Variants in NINL observed in about 807,000 individuals in gnomAD.
NINL encodes the protein ninein-like protein.
A neutral mutation model predicts 160.3 loss-of-function variants in NINL; 153 were observed. The ratio of observed to expected loss-of-function variants is 0.95; its 90% CI spans 0.84 to 1.09. The LOEUF is 1.09. Among genes scored for constraint, NINL ranks in the 50% least tolerant of loss-of-function variants. The pLI is 0.00. For synonymous variants in NINL, 800 were observed against 734.8 expected, an observed-to-expected ratio of 1.09 and a Z score of -1.43; for missense variants, 1,829 against 1,764.0, an observed-to-expected ratio of 1.04 and a Z score of -0.66.
chr20:25,504,990 C>T lies in NINL; in HGVS notation c.606G>A (p.Arg202=), dbSNP rs1325727227. 6.2e-7 allele frequency: 1 copy of T among 1,613,914 alleles called. No individual in the cohort carries two copies. The highest frequency in any genetic ancestry group is 1.1e-5 in the South Asian group (1 of 91,046). ...PSFDTPESQI[R]GVWEELGVGS... is the part of the protein sequence containing the mutation. ...CCACCCCCAGCTCTTCCCACACGCC[C>T]CGGATCTGGCTCTCTGGGGTGTCAA... The change falls in exon 6 of 24, where the codon CGG becomes CGA. Residue 202 remains arginine, a synonymous_variant. Transcript: ENST00000278886.
chr20:25,515,103 T>G (rs1239423703), intron 3 of NINL, among the ~76,000 whole-genome samples: 1 of 152,274 alleles, frequency 6.6e-6, no homozygotes, highest in South Asian at 2.1e-4. Context: ...GATCCACTGA[T>G]AGCTTGCACT....
chr20:25,498,150 C>T (rs780200840), intron 9 of NINL, 60 bp downstream of exon 9: 85 of 1,596,440 alleles, frequency 5.3e-5, no homozygotes, highest in Non-Finnish European at 6.0e-5. Flanking sequence ...CCCAGACCCC[C>T]CTCCAGGCCC....
At chr20:25,536,717 C>CA (rs1219716078) in intron 1 of NINL, among the ~76,000 whole-genome samples, 2,209 of 132,570 alleles carry the variant, frequency 0.017, 17 homozygotes, top group African/African-American at 0.027. Flanking sequence ...AGACTGTCTC[C>CA]AAAAAAAAAA....
chr20:25,512,926 C>T lies in NINL; in HGVS notation c.358G>A (p.Ala120Thr), dbSNP rs764400630. 15 of 1,614,038 alleles carry T rather than the reference C, an allele frequency of 9.3e-6. No homozygotes were observed. Among genetic ancestry groups the T allele is most frequent in the African/African-American group, 4.0e-5 (3 of 74,938 alleles). ...GGCACGCGTCTGGCTTCTGTGGCAG[C>T]GTCACATAGCTCAGGCCGGCTCCGA... is the stretch of plus-strand genomic sequence containing the variant. ...GRRSRPELCD[A>T]ATEARRVPEQ... The change falls in exon 4 of 24, where the codon GCT becomes ACT. Residue 120 changes from alanine to threonine, a missense_variant. Transcript: ENST00000278886.
chr20:25,575,505 C>T (rs1350313392), intron 1 of NINL, among the ~76,000 whole-genome samples: 4 of 149,064 alleles, frequency 2.7e-5, no homozygotes, highest in Non-Finnish European at 1.5e-5. Flanking sequence ...GTAATCCCAG[C>T]ACTTTGGGAG....
intron 2 of NINL, among the ~76,000 whole-genome samples, chr20:25,521,788 CAT>C (rs1194212658): frequency 4.6e-5 from 7 of 152,292 alleles, no homozygotes; most frequent in Admixed American, 2.6e-4. Flanking sequence ...CGGGTTTTGA[CAT>C]ATGTTTCTGG....
intron 1 of NINL, among the ~76,000 whole-genome samples, chr20:25,546,771 C>T (rs373015047): frequency 4.6e-5 from 7 of 152,020 alleles, no homozygotes; most frequent in Admixed American, 1.3e-4. Flanking sequence ...CAAACCCCAC[C>T]GAGAGAGAGG....
At position 25,476,908 on chromosome 20, in the gene NINL, G is replaced by A. The variant is rs1288575551; in HGVS notation, c.2383C>T (p.Arg795Cys). 3.1e-6 allele frequency: 5 copies of A among 1,612,726 alleles called. No individual in the cohort carries two copies. The Admixed American group carries it at 5.0e-5, about 16-fold the overall frequency. Residue 795 changes from arginine (R) to cysteine (C), a missense_variant, in exon 17 of 24, where the codon CGC (arginine) becomes TGC (cysteine). Physicochemically the swap from Arg to Cys is radical, Grantham distance 180 (BLOSUM62 -3). Coordinates refer to ENST00000278886, the MANE Select transcript of NINL (RefSeq NM_025176.6). ...GCCAACGATACGCACATCTGGGCGC[G>A]CTTCTCGCTCGCACAGGGCTGCAGC... ...LKLQPCASEK[R>C]AQMCVSLALE...
chr20:25,469,993 CTG>C lies in NINL; in HGVS notation c.3349_3350del (p.Gln1117GlufsTer5). The C allele has an allele frequency of 6.2e-7, 1 of 1,613,518 alleles. No individual in the cohort carries two copies. The highest frequency in any genetic ancestry group is 8.5e-7 in the Non-Finnish European group (1 of 1,179,398). The part of the protein sequence containing the change: ...LEAAESTHDA[Q>X]RKEIEVLKKD... ...CTGGGTAGGGGCGTGGCCCTTACCT[CTG>C]TGCATCGTGAGTACTTTCTGCAGCT... is the stretch of plus-strand genomic sequence containing the variant. On this transcript the variant is annotated frameshift_variant, in exon 18 of 24. Coordinates refer to ENST00000278886, the MANE Select transcript of NINL (RefSeq NM_025176.6). LOFTEE classifies it high-confidence loss of function.
intron 1 of NINL, among the ~76,000 whole-genome samples, chr20:25,570,673 C>A (rs1600362324): frequency 1.4e-5 from 2 of 140,900 alleles, no homozygotes; most frequent in East Asian, 2.0e-4. Context: ...TCCAAAATGT[C>A]AGAGATCCTG....
At chr20:25,584,908 A>G (rs2065211302) in intron 1 of NINL, among the ~76,000 whole-genome samples, 4 of 152,250 alleles carry the variant, frequency 2.6e-5, no homozygotes, top group Admixed American at 1.3e-4. Flanking sequence ...AGTACAACAG[A>G]TAAAATTCGC....
chr20:25,512,414 A>T (rs1324336181), intron 4 of NINL, among the ~76,000 whole-genome samples: 2 of 152,178 alleles, frequency 1.3e-5, no homozygotes, highest in South Asian at 4.1e-4. Context: ...GTTGTATACA[A>T]AGGATTCATG....
intron 2 of NINL, among the ~76,000 whole-genome samples, 193 bp from the exon 3 acceptor site, chr20:25,518,042 C>G (rs2146915160): frequency 6.6e-6 from 1 of 152,256 alleles, no homozygotes; most frequent in East Asian, 1.9e-4. Flanking sequence ...TAGAAGTGGA[C>G]CATAATCCTA....
At chr20:25,556,330 A>G (rs746483838) in intron 1 of NINL, among the ~76,000 whole-genome samples, 2 of 152,148 alleles carry the variant, frequency 1.3e-5, no homozygotes, top group African/African-American at 2.4e-5. Context: ...ACTTTTATCT[A>G]TTTAAAATCA....
At chr20:25,458,030 G>A (rs974038352) in intron 22 of NINL, among the ~76,000 whole-genome samples, 4 of 152,242 alleles carry the variant, frequency 2.6e-5, no homozygotes, top group Middle Eastern at 3.4e-3. Context: ...GGCACCTGCC[G>A]GGCCCAATCT....
At chr20:25,478,743 A>C in intron 16 of NINL, 180 bp downstream of exon 16, 1 of 604,366 alleles carries the variant, frequency 1.7e-6, no homozygotes, top group East Asian at 2.8e-5. Flanking sequence ...TGTATATTTT[A>C]AATTCAGAGC....
At chr20:25,554,636 C>CAAAACAAAACAAAAAAAAAAAAA (rs1195606239) in intron 1 of NINL, among the ~76,000 whole-genome samples, 1 of 85,802 alleles carries the variant, frequency 1.2e-5, no homozygotes, top group African/African-American at 5.8e-5. Flanking sequence ...AAAAAAAAAA[C>CAAAACAAAACAAAAAAAAAAAAA]AAAAAAAAAA....
intron 16 of NINL, 56 bp downstream of exon 16, chr20:25,478,866 AT>A: frequency 6.8e-7 from 1 of 1,480,470 alleles, no homozygotes; most frequent in Non-Finnish European, 8.9e-7. Flanking sequence ...CTAATTTCAA[AT>A]TTTGGTTCTT....
rs2064053732 is a variant in NINL, at chr20:25,510,711, G to A, written c.480C>T (p.Ser160=). The stretch of plus-strand genomic sequence containing the variant: ...ATAATTCATTCTGAGCTTCTTTAGT[G>A]CTCTCGGCCTCTTCATCTGACTTGG... ...ESPKSDEEAE[S]TKEAQNELFE... The change falls in exon 5 of 24, where the codon AGC becomes AGT. Residue 160 remains serine (S), a synonymous_variant. Coordinates refer to ENST00000278886, the MANE Select transcript of NINL (RefSeq NM_025176.6). The A allele has an allele frequency of 6.2e-7, 1 of 1,613,800 alleles. No homozygotes were observed. The highest frequency in any genetic ancestry group is 1.7e-5 in the Admixed American group (1 of 59,994).
Sources: gnomAD v4.1 joint callset for allele counts (sites outside exome capture counted in the v4.1 genomes callset) on GRCh38, gnomAD v4.1.1 for gene constraint, MANE v1.5 for transcripts, NCBI Gene and HGNC (gene_info 2026-07-23, HGNC 2026-07-21) for gene names.